The following BRINP1 variants were observed in gnomAD, a reference collection of about 807,000 sequenced individuals.
The protein encoded by BRINP1 is BMP/retinoic acid-inducible neural-specific protein 1.
BRINP1 carries 17 observed loss-of-function variants against 72.9 expected under a neutral mutation model. That is an observed-to-expected ratio of 0.23 (90% CI 0.16 to 0.35). The LOEUF (loss-of-function observed/expected upper bound fraction) is 0.35, where lower values mean the gene tolerates loss of function less well. BRINP1 is among the 10% of genes least tolerant of loss of function. BRINP1 has a pLI of 1.00. For missense variants in BRINP1, 850 were observed against 1,001.6 expected (o/e 0.85, Z 2.04); for synonymous variants, 418 against 378.5 (o/e 1.10, Z -1.21).
At chr9:119,253,112 ACAGAGTTTTT>A (rs1830410276) in intron 2 of BRINP1, among the ~76,000 whole-genome samples, 1 of 152,168 alleles carries the variant, frequency 6.6e-6, no homozygotes, top group Non-Finnish European at 1.5e-5. Flanking sequence ...AGCACCACGG[ACAGAGTTTTT>A]TATCCCAAGG....
chr9:119,177,039 G>A (rs1439011431), intron 7 of BRINP1, among the ~76,000 whole-genome samples: 1 of 152,142 alleles, frequency 6.6e-6, no homozygotes, highest in African/African-American at 2.4e-5. Context: ...TCTTAGGCTT[G>A]AGAGGAGAGG....
At chr9:119,231,421 A>G (rs1207072950) in intron 5 of BRINP1, among the ~76,000 whole-genome samples, 1 of 152,076 alleles carries the variant, frequency 6.6e-6, no homozygotes, top group Non-Finnish European at 1.5e-5. Context: ...CTACAGAATA[A>G]TTCTCAACAT....
chr9:119,353,419 C>A (rs1831524811), intron 1 of BRINP1, among the ~76,000 whole-genome samples: 1 of 152,156 alleles, frequency 6.6e-6, no homozygotes, highest in Non-Finnish European at 1.5e-5. Flanking sequence ...ATGATTATCC[C>A]CATTTTACAG....
rs554123681 is a variant in BRINP1 at position 119,289,193 on chromosome 9, A to C, written c.218+23945T>G. 1.3e-3 allele frequency among the ~76,000 whole-genome samples: 200 copies of C among 152,364 alleles called. 1 individual carries two copies. Among genetic ancestry groups the C allele is most frequent in the Middle Eastern group, 3.4e-3 (1 of 294 alleles). On this transcript the variant is annotated intron_variant, in intron 2 of 7. Coordinates refer to ENST00000265922, the MANE Select transcript of BRINP1 (RefSeq NM_014618.3). Reference sequence around the variant, plus strand: ...GAGCATTCTAAAGCAAAAGAACAGAATGAGAAAAATCACAGAGGCAGGGCA... The same window carrying C: ...GAGCATTCTAAAGCAAAAGAACAGACTGAGAAAAATCACAGAGGCAGGGCA...
chr9:119,178,049 G>C (rs1004481684), intron 7 of BRINP1, among the ~76,000 whole-genome samples: 1 of 152,148 alleles, frequency 6.6e-6, no homozygotes, highest in African/African-American at 2.4e-5. Context: ...GTTGGAGATG[G>C]TGGGGAAATG....
chr9:119,204,794 G>A (rs1437911361), intron 7 of BRINP1, among the ~76,000 whole-genome samples: 1 of 152,202 alleles, frequency 6.6e-6, no homozygotes, highest in African/African-American at 2.4e-5. Flanking sequence ...TGAGGTGCAG[G>A]ACTTACATAA....
chr9:119,205,711 TG>T (rs1467281568), intron 7 of BRINP1, among the ~76,000 whole-genome samples: 2 of 152,214 alleles, frequency 1.3e-5, no homozygotes, highest in African/African-American at 4.8e-5. Flanking sequence ...TATCTGATGA[TG>T]CTTGGTGTTC....
intron 3 of BRINP1, among the ~76,000 whole-genome samples, chr9:119,244,674 G>A (rs573212662): frequency 3.9e-5 from 6 of 152,316 alleles, no homozygotes; most frequent in South Asian, 2.1e-4. Flanking sequence ...CTGAGAACTG[G>A]CAGAAGCAAA....
intron 1 of BRINP1, among the ~76,000 whole-genome samples, chr9:119,340,407 C>G (rs939370493): frequency 1.3e-5 from 2 of 151,206 alleles, no homozygotes; most frequent in Admixed American, 1.3e-4. Context: ...ATTCCAACCT[C>G]TGAGGGAAAA....
chr9:119,240,599 T>C (rs1830236908), intron 4 of BRINP1, among the ~76,000 whole-genome samples: 1 of 152,228 alleles, frequency 6.6e-6, no homozygotes, highest in Non-Finnish European at 1.5e-5. Context: ...CTGACTCCGA[T>C]GGCTTCATAA....
intron 1 of BRINP1, among the ~76,000 whole-genome samples, chr9:119,345,276 C>G (rs1831438651): frequency 6.6e-6 from 1 of 152,132 alleles, no homozygotes; most frequent in Non-Finnish European, 1.5e-5. Flanking sequence ...TTAGTTTCAT[C>G]TTTTCATCAA....
chr9:119,322,799 T>C (rs901865540), intron 1 of BRINP1, among the ~76,000 whole-genome samples: 2 of 152,216 alleles, frequency 1.3e-5, no homozygotes, highest in Non-Finnish European at 2.9e-5. Flanking sequence ...ACCTTGGGCA[T>C]GTTATTAACC....
At chr9:119,314,170 A>T (rs1365734229) in intron 1 of BRINP1, among the ~76,000 whole-genome samples, 1 of 152,192 alleles carries the variant, frequency 6.6e-6, no homozygotes, top group African/African-American at 2.4e-5. Flanking sequence ...AGGGTTCAAA[A>T]GGAAAACTGA....
chr9:119,209,248 A>G (rs1234507221), intron 6 of BRINP1, among the ~76,000 whole-genome samples: 1 of 152,196 alleles, frequency 6.6e-6, no homozygotes, highest in African/African-American at 2.4e-5. Context: ...TTAACATGTT[A>G]TTTGAATCAA....
chr9:119,263,896 C>T (rs564935401), intron 2 of BRINP1, among the ~76,000 whole-genome samples: 21 of 152,298 alleles, frequency 1.4e-4, no homozygotes, highest in Admixed American at 3.3e-4. Flanking sequence ...GCGTGAGCCA[C>T]AGCGCCCGGC....
At chr9:119,250,809 G>C (rs541964255) in intron 2 of BRINP1, among the ~76,000 whole-genome samples, 3 of 152,144 alleles carry the variant, frequency 2.0e-5, no homozygotes, top group Non-Finnish European at 4.4e-5. Context: ...CATGCTCTCG[G>C]TCCCTTGAGG....
intron 1 of BRINP1, 31 bp from the exon 2 acceptor site, chr9:119,313,436 A>G (rs994497496): frequency 6.7e-7 from 1 of 1,499,382 alleles, no homozygotes; most frequent in African/African-American, 1.4e-5. Flanking sequence ...AAGAGAGAGA[A>G]AAAAAGAGAA....
At chr9:119,189,345 G>A (rs893201345) in intron 7 of BRINP1, among the ~76,000 whole-genome samples, 5 of 152,018 alleles carry the variant, frequency 3.3e-5, no homozygotes, top group African/African-American at 1.2e-4. Context: ...GACATTAACT[G>A]TAAATATCCA....
At chr9:119,324,865 C>T (rs936759737) in intron 1 of BRINP1, among the ~76,000 whole-genome samples, 1 of 152,194 alleles carries the variant, frequency 6.6e-6, no homozygotes, top group Non-Finnish European at 1.5e-5. Context: ...TTTGGGAGAC[C>T]GAGGTGGGCA....
Sources: allele counts gnomAD v4.1 joint callset (sites outside exome capture counted in the v4.1 genomes callset), GRCh38; gene constraint gnomAD v4.1.1; transcripts MANE v1.5; gene names NCBI Gene and HGNC (gene_info 2026-07-23, HGNC 2026-07-21).